Variants in GMDS observed in about 807,000 individuals in gnomAD.
GMDS encodes the protein GDP-mannose 4,6 dehydratase.
In GMDS, 20 loss-of-function variants were observed where a neutral mutation model predicts 49.9. The ratio of observed to expected loss-of-function variants is 0.40; its 90% confidence interval spans 0.28 to 0.58. The LOEUF is 0.58. GMDS is among the 20% of genes least tolerant of loss of function. The pLI is 0.42. For synonymous variants in GMDS, 177 were observed against 178.6 expected (o/e 0.99, Z 0.07); for missense variants, 362 against 481.4 (o/e 0.75, Z 2.32).
intron 1 of GMDS, among the ~76,000 whole-genome samples, chr6:2,169,076 T>C (rs1183387839): frequency 6.6e-6 from 1 of 152,236 alleles, no homozygotes; most frequent in Admixed American, 6.5e-5. Flanking sequence ...CACAGTCATC[T>C]TTCCAGAGGG....
chr6:1,742,209 C>T (rs539679217), intron 8 of GMDS, among the ~76,000 whole-genome samples: 190 of 152,032 alleles, frequency 1.2e-3, no homozygotes, highest in African/African-American at 4.3e-3. Flanking sequence ...CGTGAACCAC[C>T]GCGCCTGGCC....
chr6:2,061,642 C>T, intron 4 of GMDS, among the ~76,000 whole-genome samples: 1 of 148,868 alleles, frequency 6.7e-6, no homozygotes. Flanking sequence ...ATGCTTGAAC[C>T]TCGGAGACGG....
At chr6:1,811,401 C>G (rs1770423275) in intron 7 of GMDS, among the ~76,000 whole-genome samples, 1 of 152,096 alleles carries the variant, frequency 6.6e-6, no homozygotes. Flanking sequence ...TTATAATTCT[C>G]CAGTATTTTT....
intron 7 of GMDS, among the ~76,000 whole-genome samples, chr6:1,916,646 C>G (rs1761418492): frequency 6.6e-6 from 1 of 152,196 alleles, no homozygotes; most frequent in Admixed American, 6.5e-5. Context: ...AGTGTAATTT[C>G]TTTGAGCCCC....
chr6:2,003,167 G>C (rs1056478603), intron 4 of GMDS, among the ~76,000 whole-genome samples: 1 of 152,028 alleles, frequency 6.6e-6, no homozygotes, highest in Non-Finnish European at 1.5e-5. Flanking sequence ...TTACTCCTTA[G>C]TCATAATTAA....
intron 7 of GMDS, among the ~76,000 whole-genome samples, chr6:1,888,134 A>ATTAT (rs1554130177): frequency 7.1e-6 from 1 of 140,478 alleles, no homozygotes; most frequent in Non-Finnish European, 1.5e-5. Context: ...TATTATTATT[A>ATTAT]TTTTTTTTTT....
chr6:1,775,541 C>T (rs909482669), intron 7 of GMDS, among the ~76,000 whole-genome samples: 2 of 152,214 alleles, frequency 1.3e-5, no homozygotes, highest in African/African-American at 4.8e-5. Flanking sequence ...CTTGGACCCA[C>T]TATACTTTGA....
In GMDS at chr6:1,879,585, T is replaced by C. The variant is rs193115613; in HGVS notation, c.771+50518A>G. Among the ~76,000 whole-genome samples the C allele has an allele frequency of 3.8e-3, 521 of 138,230 alleles. 3 individuals are homozygous for C. The highest frequency in any genetic ancestry group is 0.014 in the African/African-American group (483 of 34,224). The allele number at this position is 138,230 out of a possible 152,430, so 90.7% of individuals were successfully genotyped here. A position where few individuals can be genotyped will look rare whatever the true frequency, so the allele number is the denominator to read the frequency against. On this transcript the variant is annotated intron_variant, in intron 7 of 10. Coordinates refer to ENST00000380815, the MANE Select transcript of GMDS (RefSeq NM_001500.4). ...TTATTTCTTATTATGTTACCAAAGG[T>C]TTTTTTTTTTTTAAAGAATATTGAG...
rs57268314 is a variant in GMDS, at chr6:1,683,535, T to C, written c.987+42881A>G. ...GGGAAACATGTGAGAGGGCCAGGAA[T>C]CCCGGGTCTGATGCACCATCTTCTC... On this transcript the variant is annotated intron_variant, in intron 9 of 10. Coordinates refer to ENST00000380815, the MANE Select transcript of GMDS (RefSeq NM_001500.4). Among the ~76,000 whole-genome samples the C allele has an allele frequency of 7.9e-3, 1,200 of 152,282 alleles. 12 individuals carry two copies. Among genetic ancestry groups the C allele is most frequent in the African/African-American group, 0.028 (1,154 of 41,558 alleles).
Position 1,766,570 on chromosome 6 carries a change from G to T in GMDS, c.772-23984C>A, listed in dbSNP as rs1004331303. 4.6e-5 allele frequency among the ~76,000 whole-genome samples: 7 copies of T among 152,026 alleles called. No homozygotes were observed. Among genetic ancestry groups the T allele is most frequent in the African/African-American group, 1.7e-4 (7 of 41,398 alleles). On this transcript the variant is annotated intron_variant, in intron 7 of 10. Coordinates refer to ENST00000380815, the MANE Select transcript of GMDS (RefSeq NM_001500.4). This position sits in a 1 kb window ranked among gnomAD's most constrained non-coding sequence, Gnocchi z 4.5. The stretch of plus-strand genomic sequence containing the variant: ...TTCTCTCTTGTGTATGGCTCGGGAG[G>T]AGGGTCTAAGGTGGGCCTCGCTACT...
At chr6:1,840,424 C>T (rs1489038163) in intron 7 of GMDS, among the ~76,000 whole-genome samples, 1 of 152,136 alleles carries the variant, frequency 6.6e-6, no homozygotes, top group Non-Finnish European at 1.5e-5. Flanking sequence ...CAGAGGCAAA[C>T]ATGCCAACCA....
At chr6:1,799,792 C>T (rs1376896866) in intron 7 of GMDS, among the ~76,000 whole-genome samples, 2 of 152,170 alleles carry the variant, frequency 1.3e-5, no homozygotes, top group Non-Finnish European at 2.9e-5. Context: ...GCCTACGAAA[C>T]AAACTGCGTA....
At chr6:1,702,442 T>C (rs1765575357) in intron 9 of GMDS, among the ~76,000 whole-genome samples, 1 of 152,242 alleles carries the variant, frequency 6.6e-6, no homozygotes, top group Non-Finnish European at 1.5e-5. Context: ...CCTTTCCTGA[T>C]AGCATTGATT....
chr6:2,006,288 A>G (rs6899584), intron 4 of GMDS, among the ~76,000 whole-genome samples: 1 of 150,704 alleles, frequency 6.6e-6, no homozygotes. Flanking sequence ...AATAGCCAAG[A>G]GTAGTGGCCC....
intron 1 of GMDS, among the ~76,000 whole-genome samples, chr6:2,172,242 A>C (rs1280829308): frequency 2.0e-5 from 3 of 152,230 alleles, no homozygotes; most frequent in Admixed American, 6.5e-5. Flanking sequence ...AAACAACCAG[A>C]TATGTTGTAT....
intron 6 of GMDS, among the ~76,000 whole-genome samples, chr6:1,957,400 T>C (rs1763700232): frequency 6.6e-6 from 1 of 152,214 alleles, no homozygotes. Context: ...GTCAGATTAA[T>C]TTAATCTGAA....
At chr6:2,134,944 T>C (rs1480723129) in intron 1 of GMDS, among the ~76,000 whole-genome samples, 1 of 152,230 alleles carries the variant, frequency 6.6e-6, no homozygotes, top group Non-Finnish European at 1.5e-5. Flanking sequence ...TTCCCATTTA[T>C]ATCTCACAAC....
intron 9 of GMDS, among the ~76,000 whole-genome samples, chr6:1,644,167 G>T (rs534307776): frequency 6.6e-6 from 1 of 152,226 alleles, no homozygotes; most frequent in Admixed American, 6.5e-5. Flanking sequence ...CCACCAGTAT[G>T]AGGATCCACT....
chr6:2,046,066 A>G (rs555334710), intron 4 of GMDS, among the ~76,000 whole-genome samples: 5 of 152,166 alleles, frequency 3.3e-5, no homozygotes, highest in Non-Finnish European at 5.9e-5. Context: ...AAAACAAGCC[A>G]GGAGTGGTCA....
Sources: allele counts gnomAD v4.1 joint callset (sites outside exome capture counted in the v4.1 genomes callset), GRCh38; gene constraint gnomAD v4.1.1; non-coding constraint Gnocchi (gnomAD v3.1); transcripts MANE v1.5; gene names NCBI Gene and HGNC (gene_info 2026-07-23, HGNC 2026-07-21).